RYR3: variants seen among roughly 807,000 people sequenced by gnomAD.
The protein encoded by RYR3 is ryanodine receptor 3, also known as brain ryanodine receptor-calcium release channel.
Under a neutral mutation model 584.3 loss-of-function variants are expected in RYR3, and 207 were observed. The ratio of observed to expected loss-of-function variants is 0.35; its 90% CI spans 0.32 to 0.40. The LOEUF (loss-of-function observed/expected upper bound fraction) is 0.40. RYR3 is among the 10% of genes least tolerant of loss of function. RYR3 has a pLI of 1.00. For synonymous variants in RYR3, 2,416 were observed against 2,248.5 expected, an observed-to-expected ratio of 1.07 and a Z score of -2.11; for missense variants, 5,616 against 6,089.2, an observed-to-expected ratio of 0.92 and a Z score of 2.59.
intron 89 of RYR3, chr15:33,839,911 G>C (rs1416829251): frequency 6.6e-6 from 1 of 152,174 alleles, no homozygotes; most frequent in Non-Finnish European, 1.5e-5. Context: ...AATACAGTTT[G>C]ATACATAATA....
At chr15:33,372,201 A>G (rs1005676073) in intron 1 of RYR3, among the ~76,000 whole-genome samples, 1 of 152,092 alleles carries the variant, frequency 6.6e-6, no homozygotes, top group Admixed American at 6.5e-5. Flanking sequence ...CTGGCTCAGA[A>G]AGCATTTTGA....
At chr15:33,427,245 C>T (rs566076910) in intron 1 of RYR3, among the ~76,000 whole-genome samples, 8 of 152,068 alleles carry the variant, frequency 5.3e-5, no homozygotes, top group South Asian at 2.1e-4. Context: ...ATTTAATGTT[C>T]CACTCTTTGT....
At chr15:33,434,551 G>A (rs531584601) in intron 1 of RYR3, among the ~76,000 whole-genome samples, 2 of 151,898 alleles carry the variant, frequency 1.3e-5, no homozygotes, top group South Asian at 4.2e-4. Context: ...TGGAAGCCTT[G>A]GTAACTTGAT....
intron 1 of RYR3, among the ~76,000 whole-genome samples, chr15:33,400,301 C>T (rs148245221): frequency 6.6e-6 from 1 of 152,232 alleles, no homozygotes; most frequent in Non-Finnish European, 1.5e-5. Flanking sequence ...TTGAAAGTGT[C>T]CCGATTTGGA....
intron 42 of RYR3, 100 bp downstream of exon 42, chr15:33,701,180 C>A: frequency 2.8e-6 from 2 of 707,834 alleles, no homozygotes; most frequent in Non-Finnish European, 4.9e-6. Flanking sequence ...GTCACTGTAT[C>A]GTCATCTTGG....
intron 1 of RYR3, among the ~76,000 whole-genome samples, chr15:33,345,461 A>C (rs1410267659): frequency 2.6e-5 from 4 of 152,168 alleles, no homozygotes; most frequent in Non-Finnish European, 2.9e-5. Flanking sequence ...GTGGCCTCTT[A>C]GGTTCCTTAC....
At chr15:33,563,811 C>T (rs1435121) in intron 11 of RYR3, among the ~76,000 whole-genome samples, 101,527 of 151,944 alleles carry the variant, frequency 0.67, 34,661 homozygotes, top group Middle Eastern at 0.76. Context: ...TAAGGTAATA[C>T]CTTATTACCT....
At chr15:33,329,536 G>A (rs1970130176) in intron 1 of RYR3, among the ~76,000 whole-genome samples, 1 of 152,184 alleles carries the variant, frequency 6.6e-6, no homozygotes, top group Admixed American at 6.5e-5. Context: ...AGGAGCATCA[G>A]GCTCACTCGT....
intron 1 of RYR3, among the ~76,000 whole-genome samples, chr15:33,460,786 G>T (rs1392834566): frequency 1.3e-5 from 2 of 151,936 alleles, no homozygotes; most frequent in Non-Finnish European, 2.9e-5. Flanking sequence ...GAACTATGAA[G>T]TACTCAAACC....
At chr15:33,809,610 CTCTT>C (rs1453610255) in intron 70 of RYR3, among the ~76,000 whole-genome samples, 2 of 69,810 alleles carry the variant, frequency 2.9e-5, no homozygotes, top group East Asian at 9.8e-4. Flanking sequence ...ATTCCTCTCT[CTCTT>C]TTTTTTTTTT....
intron 68 of RYR3, 134 bp downstream of exon 68, chr15:33,800,991 C>A: frequency 1.5e-6 from 1 of 669,234 alleles, no homozygotes; most frequent in Admixed American, 2.3e-5. Context: ...GACCACGACC[C>A]ATGACACTGC....
intron 1 of RYR3, among the ~76,000 whole-genome samples, chr15:33,385,189 T>C (rs541467098): frequency 3.3e-5 from 5 of 152,216 alleles, no homozygotes; most frequent in Non-Finnish European, 4.4e-5. Flanking sequence ...CTCACGGAAA[T>C]GAGATGCTGC....
chr15:33,513,214 A>C (rs1017998018), intron 3 of RYR3, among the ~76,000 whole-genome samples: 1 of 152,192 alleles, frequency 6.6e-6, no homozygotes, highest in African/African-American at 2.4e-5. Context: ...TTTAAATTAC[A>C]TATTTGTAGT....
chr15:33,791,236 A>T (rs116885946), intron 67 of RYR3, among the ~76,000 whole-genome samples: 2 of 152,202 alleles, frequency 1.3e-5, no homozygotes, highest in Non-Finnish European at 2.9e-5. Flanking sequence ...GAAGGATCCA[A>T]TAGAGATGGG....
At chr15:33,594,420 G>C (rs923597670) in intron 16 of RYR3, among the ~76,000 whole-genome samples, 1 of 152,110 alleles carries the variant, frequency 6.6e-6, no homozygotes, top group African/African-American at 2.4e-5. Context: ...TCACAGGAGT[G>C]TTCTTTACTC....
intron 51 of RYR3, among the ~76,000 whole-genome samples, chr15:33,740,452 A>G (rs2152835085): frequency 6.6e-6 from 1 of 152,276 alleles, no homozygotes. Flanking sequence ...TGGGGTCCTC[A>G]CTGGAAAAGC....
chr15:33,847,892 T>A (rs1318584436), intron 93 of RYR3, among the ~76,000 whole-genome samples: 1 of 152,228 alleles, frequency 6.6e-6, no homozygotes. Context: ...ATCATATTCC[T>A]GTGGCTGGCC....
intron 1 of RYR3, among the ~76,000 whole-genome samples, chr15:33,391,714 G>A (rs1320670126): frequency 1.3e-5 from 2 of 152,100 alleles, no homozygotes; most frequent in East Asian, 3.9e-4. Context: ...ATAGTGTTGA[G>A]TTTTTGTTTT....
intron 1 of RYR3, among the ~76,000 whole-genome samples, chr15:33,437,171 T>C (rs1458018048): frequency 6.6e-6 from 1 of 150,426 alleles, no homozygotes; most frequent in Non-Finnish European, 1.5e-5. Context: ...TTCAATATGA[T>C]TGCAAAAAAT....
Sources: gnomAD v4.1 joint callset for allele counts (sites outside exome capture counted in the v4.1 genomes callset) on GRCh38, gnomAD v4.1.1 for gene constraint, MANE v1.5 for transcripts, NCBI Gene and HGNC (gene_info 2026-07-23, HGNC 2026-07-21) for gene names.